Variants in GRK3 observed in about 807,000 individuals in gnomAD.
GRK3 encodes G protein-coupled receptor kinase 3.
In GRK3, 54 loss-of-function variants were observed where a neutral mutation model predicts 95.7. The observed-to-expected ratio is 0.56, with a 90% CI of 0.45 to 0.71. The LOEUF (loss-of-function observed/expected upper bound fraction) is 0.71. Among genes scored for constraint, GRK3 ranks in the 30% least tolerant of loss-of-function variants. GRK3 has a pLI of 0.00. For missense variants in GRK3, 649 were observed against 851.2 expected, an observed-to-expected ratio of 0.76 and a Z score of 2.96; for synonymous variants, 281 against 290.8, an observed-to-expected ratio of 0.97 and a Z score of 0.34.
chr22:25,623,578 C>T (rs1343916583), intron 2 of GRK3, among the ~76,000 whole-genome samples: 2 of 152,266 alleles, frequency 1.3e-5, no homozygotes, highest in East Asian at 3.9e-4. Context: ...AGATCAAATA[C>T]CTCACTAATT....
Position 25,661,603 on chromosome 22 carries a change from G to C in GRK3, c.292G>C (p.Glu98Gln). ...EIKEYEKLDN[E>Q]EDRLCRSRQI... is the part of the protein sequence containing the mutation. Reference sequence around the variant, plus strand: ...AAAGGAATATGAAAAACTTGATAATGAGGAAGACCGCCTTTGCAGAAGTCG... The same window carrying C: ...AAAGGAATATGAAAAACTTGATAATCAGGAAGACCGCCTTTGCAGAAGTCG... The change falls in exon 4 of 21, where the codon GAG (glutamate) becomes CAG (glutamine). Residue 98 changes from glutamate to glutamine, a missense_variant. By Grantham distance (29) the Glu-to-Gln change is conservative (BLOSUM62 2). Around this residue, in one of 3 missense-constraint regions of GRK3, gnomAD observed 206 missense variants for 231.4 expected, o/e 0.89. Transcript: ENST00000324198. 6.2e-7 allele frequency: 1 copy of C among 1,612,750 alleles called. No homozygotes were observed. Among genetic ancestry groups the C allele is most frequent in the Admixed American group, 1.7e-5 (1 of 59,978 alleles).
chr22:25,700,399 C>T (rs2085248924), intron 13 of GRK3, among the ~76,000 whole-genome samples: 1 of 152,144 alleles, frequency 6.6e-6, no homozygotes, highest in Non-Finnish European at 1.5e-5. Context: ...AGCTTGTCAC[C>T]GTTGATTGTC....
At chr22:25,647,409 G>A in intron 3 of GRK3, 3 of 1,327,112 alleles carry the variant, frequency 2.3e-6, no homozygotes, top group Non-Finnish European at 3.3e-6. Context: ...GGGAACAGCA[G>A]TTAATTTCAG....
intron 3 of GRK3, among the ~76,000 whole-genome samples, chr22:25,653,867 T>G (rs2084851540): frequency 6.6e-6 from 1 of 152,144 alleles, no homozygotes. Context: ...TTTTGTATTT[T>G]TAGTAGAGAC....
chr22:25,695,045 C>A, intron 12 of GRK3, 62 bp from the exon 13 acceptor site: 1 of 1,188,948 alleles, frequency 8.4e-7, no homozygotes. Flanking sequence ...GACCTTGGGG[C>A]GCTGTTAGTG....
In GRK3 at chr22:25,659,324, C is replaced by G. The variant is rs1460107015; in HGVS notation, c.265-2252C>G. Reference sequence around the variant, plus strand: ...AGAGAGAGCCTTGGATTGGGCCAGACAGAGATGACTTCACTAGACCATCTC... The same window carrying G: ...AGAGAGAGCCTTGGATTGGGCCAGAGAGAGATGACTTCACTAGACCATCTC... On this transcript the variant is annotated intron_variant, in intron 3 of 20. Coordinates refer to ENST00000324198, the MANE Select transcript of GRK3 (RefSeq NM_005160.4). Among the ~76,000 whole-genome samples, 8 of 152,136 alleles carry G rather than the reference C, an allele frequency of 5.3e-5. No homozygotes were observed. In the East Asian group the frequency reaches 1.5e-3, roughly 29 times the overall value.
intron 1 of GRK3, among the ~76,000 whole-genome samples, chr22:25,602,502 A>G (rs1044790928): frequency 6.6e-6 from 1 of 152,260 alleles, no homozygotes; most frequent in Non-Finnish European, 1.5e-5. Flanking sequence ...ACGCATGCCC[A>G]TAAAAAGACT....
intron 9 of GRK3, among the ~76,000 whole-genome samples, chr22:25,681,567 C>T (rs1464878395): frequency 1.3e-5 from 2 of 152,010 alleles, no homozygotes; most frequent in African/African-American, 2.4e-5. Context: ...TGAAGGGCAT[C>T]GCCGGCCGAT....
chr22:25,615,748 G>A (rs1255815846), intron 2 of GRK3, among the ~76,000 whole-genome samples: 1 of 145,908 alleles, frequency 6.9e-6, no homozygotes, highest in African/African-American at 2.6e-5. Flanking sequence ...TCCACAAGGG[G>A]GTAAATCTCA....
chr22:25,632,417 A>T (rs2084670326), intron 2 of GRK3, among the ~76,000 whole-genome samples: 1 of 152,194 alleles, frequency 6.6e-6, no homozygotes, highest in Admixed American at 6.5e-5. Context: ...AGAGTCTTTC[A>T]TATATTTTGG....
intron 13 of GRK3, 90 bp downstream of exon 13, chr22:25,695,304 A>T: frequency 1.2e-6 from 1 of 868,706 alleles, no homozygotes; most frequent in Non-Finnish European, 1.9e-6. Flanking sequence ...CTAGACGCTA[A>T]TGTTATTTTA....
At chr22:25,681,796 G>A (rs1390404483) in intron 9 of GRK3, among the ~76,000 whole-genome samples, 1 of 152,154 alleles carries the variant, frequency 6.6e-6, no homozygotes, top group Non-Finnish European at 1.5e-5. Flanking sequence ...AATCAAAGTA[G>A]ACAGTTCCTT....
chr22:25,572,518 T>C (rs1041906686), intron 1 of GRK3, among the ~76,000 whole-genome samples: 2 of 152,162 alleles, frequency 1.3e-5, no homozygotes, highest in Non-Finnish European at 2.9e-5. Context: ...CCAACACCTG[T>C]TGTTTCCTTT....
chr22:25,587,280 C>G (rs1439632931), intron 1 of GRK3, among the ~76,000 whole-genome samples: 2 of 152,186 alleles, frequency 1.3e-5, no homozygotes, highest in Non-Finnish European at 1.5e-5. Context: ...TGCAACCCTC[C>G]CTGCATGAGG....
intron 17 of GRK3, 80 bp from the exon 18 acceptor site, chr22:25,714,328 C>A: frequency 2.5e-6 from 3 of 1,215,426 alleles, no homozygotes; most frequent in South Asian, 1.5e-5. Flanking sequence ...ATGATAGAGT[C>A]ACCATGGATG....
At chr22:25,603,777 T>C (rs1228620625) in intron 1 of GRK3, among the ~76,000 whole-genome samples, 1 of 152,244 alleles carries the variant, frequency 6.6e-6, no homozygotes, top group East Asian at 1.9e-4. Flanking sequence ...TCCTCTTTAA[T>C]GTCTCCCAAT....
At chr22:25,696,126 C>T (rs550275121) in intron 13 of GRK3, among the ~76,000 whole-genome samples, 3 of 152,130 alleles carry the variant, frequency 2.0e-5, no homozygotes, top group East Asian at 1.9e-4. Flanking sequence ...TGAGCCACCG[C>T]GTCCGGCCTA....
chr22:25,651,558 T>A (rs2084831067), intron 3 of GRK3, among the ~76,000 whole-genome samples: 1 of 152,236 alleles, frequency 6.6e-6, no homozygotes, highest in Non-Finnish European at 1.5e-5. Flanking sequence ...TTTCCTCTTG[T>A]CAACAACTTG....
chr22:25,598,372 T>C (rs2084386496), intron 1 of GRK3, among the ~76,000 whole-genome samples: 1 of 151,960 alleles, frequency 6.6e-6, no homozygotes, highest in South Asian at 2.1e-4. Flanking sequence ...GGTTCAGTGT[T>C]ATTAAGATGG....
Sources: allele counts gnomAD v4.1 joint callset (sites outside exome capture counted in the v4.1 genomes callset), GRCh38; gene constraint gnomAD v4.1.1; regional missense constraint gnomAD v4.1.1; transcripts MANE v1.5; gene names NCBI Gene and HGNC (gene_info 2026-07-23, HGNC 2026-07-21).